Variants in RNF10 observed in about 807,000 individuals in gnomAD.
RNF10 encodes E3 ubiquitin-protein ligase RNF10.
RNF10 carries 38 observed loss-of-function variants against 91.4 expected under a neutral mutation model. That is an observed-to-expected ratio of 0.42 (90% CI 0.32 to 0.54). The LOEUF is 0.54. Ranked by LOEUF, RNF10 falls within the 20% of genes least tolerant of loss-of-function variation. The pLI, the probability that RNF10 is intolerant of heterozygous loss-of-function variation, is 0.16. For missense variants in RNF10, 945 were observed against 1,012.0 expected (o/e 0.93, Z 0.90); for synonymous variants, 364 against 366.3 (o/e 0.99, Z 0.07).
intron 1 of RNF10, 41 bp downstream of exon 1, chr12:120,535,009 C>T (rs1870532895): frequency 1.3e-6 from 2 of 1,543,860 alleles, no homozygotes; most frequent in East Asian, 2.4e-5. Context: ...GCGACTGCCC[C>T]TGCTGCTGGG....
At chr12:120,574,719 A>C in intron 14 of RNF10, 1 of 339,836 alleles carries the variant, frequency 2.9e-6, no homozygotes, top group Non-Finnish European at 5.8e-6. Context: ...TGAGGTCAGG[A>C]GTTCGAGACC....
chr12:120,549,040 G>C (rs183721702), intron 2 of RNF10, among the ~76,000 whole-genome samples: 31 of 152,250 alleles, frequency 2.0e-4, no homozygotes, highest in Admixed American at 1.4e-3. Context: ...GAGGCAAAGT[G>C]ATGTGGGGAA....
rs1877309868 is a variant in RNF10, at chr12:120,575,789, T to C, written c.2201-3T>C. The C allele has an allele frequency of 6.2e-7, 1 of 1,614,216 alleles. No individual in the cohort carries two copies. On this transcript the variant is annotated splice_region_variant and splice_polypyrimidine_tract_variant and intron_variant, in intron 15 of 16. Coordinates refer to ENST00000325954, the MANE Select transcript of RNF10 (RefSeq NM_014868.5). ...CTATAGTTTTAACACTGGTATTTTT[T>C]AGATGAGAACAGCTTAGTTCCTCCT...
intron 1 of RNF10, among the ~76,000 whole-genome samples, chr12:120,541,503 C>A (rs1767184506): frequency 6.6e-6 from 1 of 150,492 alleles, no homozygotes; most frequent in South Asian, 2.1e-4. Context: ...GGCACGATCT[C>A]CGCTCACTGC....
intron 4 of RNF10, among the ~76,000 whole-genome samples, chr12:120,555,210 C>G (rs546124406): frequency 6.6e-6 from 1 of 152,304 alleles, no homozygotes; most frequent in Non-Finnish European, 1.5e-5. Flanking sequence ...GAGAAAGAGT[C>G]TCACTCTGTT....
At chr12:120,576,281 G>T (rs1227185218) in intron 16 of RNF10, among the ~76,000 whole-genome samples, 2 of 152,214 alleles carry the variant, frequency 1.3e-5, no homozygotes, top group African/African-American at 4.8e-5. Flanking sequence ...GTTGCACTCT[G>T]TTCATGACTA....
Position 120,562,935 on chromosome 12 carries a change from G to T in RNF10, c.1129-10G>T. On this transcript the variant is annotated splice_polypyrimidine_tract_variant and intron_variant, in intron 7 of 16. Transcript: ENST00000325954. Reference sequence around the variant, plus strand: ...TTAACCTTCTCTGGTGTTCTCTCTGGCCACGTTAGACTCGGGAAGAGGCTC... The same window carrying T: ...TTAACCTTCTCTGGTGTTCTCTCTGTCCACGTTAGACTCGGGAAGAGGCTC... The T allele has an allele frequency of 6.2e-7, 1 of 1,613,734 alleles. No individual in the cohort carries two copies. The highest frequency in any genetic ancestry group is 1.1e-5 in the South Asian group (1 of 91,064).
chr12:120,539,351 C>G (rs778129951), intron 1 of RNF10: 3 of 1,224,890 alleles, frequency 2.4e-6, no homozygotes, highest in African/African-American at 1.5e-5. Context: ...TACCACCTCT[C>G]TCTTCCTTTC....
At chr12:120,567,110 C>T in intron 13 of RNF10, 130 bp downstream of exon 13, 1 of 793,376 alleles carries the variant, frequency 1.3e-6, no homozygotes, top group Non-Finnish European at 2.0e-6. Flanking sequence ...TTTGGTAGTC[C>T]TGAGGTACAT....
rs114646723 is a variant in RNF10 at position 120,571,793 on chromosome 12, A to G, written c.2142+502A>G. ...AGGTGGTATTTATCTGTTACATAAA[A>G]TGAGCCATTTCTCTTCACTTTGAGA... is the stretch of plus-strand genomic sequence containing the variant. On this transcript the variant is annotated intron_variant, in intron 14 of 16. Transcript: ENST00000325954. 7.8e-3 allele frequency among the ~76,000 whole-genome samples: 1,181 copies of G among 152,330 alleles called. 16 individuals carry two copies. Among genetic ancestry groups the G allele is most frequent in the African/African-American group, 0.028 (1,147 of 41,576 alleles).
At position 120,562,808 on chromosome 12, in the gene RNF10, A is replaced by G. The variant is rs573029182; in HGVS notation, c.1129-137A>G. 14 of 947,006 alleles carry G rather than the reference A, an allele frequency of 1.5e-5. No individual in the cohort carries two copies. The South Asian group carries it at 1.5e-4, about 10-fold the overall frequency. The allele number at this position is 947,006 out of a possible 1,614,324, so 58.7% of individuals were successfully genotyped here. A position where few individuals can be genotyped will look rare whatever the true frequency, so the allele number is the denominator to read the frequency against. On this transcript the variant is annotated intron_variant, in intron 7 of 16. Transcript: ENST00000325954. ...TCCCTCAAAGTTGAGATATTTAAGC[A>G]CCTAATTCCTTCCCATTGGGTCTCA... is the stretch of plus-strand genomic sequence containing the variant.
chr12:120,566,572 GA>G (rs1038466039), intron 12 of RNF10, among the ~76,000 whole-genome samples: 2 of 151,946 alleles, frequency 1.3e-5, no homozygotes. Context: ...GACCAGGCTG[GA>G]CAACATGGTG....
At chr12:120,559,597 A>G (rs1212168816) in intron 6 of RNF10, among the ~76,000 whole-genome samples, 1 of 151,814 alleles carries the variant, frequency 6.6e-6, no homozygotes, top group African/African-American at 2.4e-5. Flanking sequence ...GTTGGCCAGC[A>G]TGGTCTCAAT....
At chr12:120,552,985 A>G (rs75668021) in intron 3 of RNF10, among the ~76,000 whole-genome samples, 2,917 of 149,082 alleles carry the variant, frequency 0.02, 96 homozygotes, top group African/African-American at 0.068. Context: ...CTTTGACCTT[A>G]AGTAACTTAA....
chr12:120,540,854 C>CT (rs34034209), intron 1 of RNF10, among the ~76,000 whole-genome samples: 3 of 137,586 alleles, frequency 2.2e-5, no homozygotes, highest in Non-Finnish European at 4.7e-5. Flanking sequence ...AGTTTACTTT[C>CT]TTTTTTTTTT....
intron 4 of RNF10, among the ~76,000 whole-genome samples, chr12:120,556,553 A>C (rs866518954): frequency 1.3e-5 from 2 of 148,952 alleles, no homozygotes; most frequent in African/African-American, 5.1e-5. Flanking sequence ...AAAAAAAAAA[A>C]AAAAGCTTGA....
chr12:120,565,411 A>G lies in RNF10; in HGVS notation c.1784-17A>G. 2 of 1,613,202 alleles carry G rather than the reference A, an allele frequency of 1.2e-6. No homozygotes were observed. The highest frequency in any genetic ancestry group is 8.5e-7 in the Non-Finnish European group (1 of 1,179,258). ...GTTGTCCTGGGTCTACCTCTTTACA[A>G]CCTGACCAATCTGCAGATGACATTG... On this transcript the variant is annotated splice_polypyrimidine_tract_variant and intron_variant, in intron 11 of 16. Transcript: ENST00000325954.
In RNF10 at chr12:120,563,435, T is replaced by C; in HGVS notation, c.1343T>C (p.Leu448Pro). ...DTPSRPLALP[L>P]VEEEEAVSEP... ...CCTTCTAGACCTCTTGCTCTCCCTC[T>C]GGTAGAAGAGGAGGAAGCAGTGTCT... Residue 448 changes from leucine (L) to proline (P), a missense_variant, in exon 9 of 17, where the codon CTG (leucine) becomes CCG (proline). Transcript: ENST00000325954. 6.2e-7 allele frequency: 1 copy of C among 1,614,118 alleles called. No homozygotes were observed. Among genetic ancestry groups the C allele is most frequent in the Non-Finnish European group, 8.5e-7 (1 of 1,180,000 alleles).
At chr12:120,537,311 T>G (rs996529398) in intron 1 of RNF10, among the ~76,000 whole-genome samples, 1 of 151,462 alleles carries the variant, frequency 6.6e-6, no homozygotes, top group African/African-American at 2.4e-5. Context: ...AGACCCCGTC[T>G]CAAAACAAGA....
Sources: allele counts gnomAD v4.1 joint callset (sites outside exome capture counted in the v4.1 genomes callset), GRCh38; gene constraint gnomAD v4.1.1; transcripts MANE v1.5; gene names NCBI Gene and HGNC (gene_info 2026-07-23, HGNC 2026-07-21).